The following INPP4B variants were observed in gnomAD, a reference collection of about 807,000 sequenced individuals.
INPP4B encodes inositol polyphosphate-4-phosphatase type II B, also known as inositol polyphosphate 4-phosphatase type II.
In INPP4B, 55 loss-of-function variants were observed where a neutral mutation model predicts 122.5. That is an observed-to-expected ratio of 0.45 (90% confidence interval 0.36 to 0.56). The LOEUF (loss-of-function observed/expected upper bound fraction) is 0.56, where lower values mean the gene tolerates loss of function less well. Among genes scored for constraint, INPP4B ranks in the 20% least tolerant of loss-of-function variants. The probability of loss-of-function intolerance (pLI) is 0.00; values close to 1 mark genes in which losing one functional copy is unlikely to be tolerated. For missense variants in INPP4B, 1,000 were observed against 1,097.7 expected (o/e 0.91, Z 1.26); for synonymous variants, 403 against 388.7 (o/e 1.04, Z -0.43).
chr4:142,551,173 G>A (rs1290892420), intron 2 of INPP4B, among the ~76,000 whole-genome samples: 1 of 152,122 alleles, frequency 6.6e-6, no homozygotes, highest in Non-Finnish European at 1.5e-5. Context: ...TCTTTCTCTG[G>A]CAACAGCATC....
chr4:142,745,191 T>C (rs1361862682), intron 1 of INPP4B, among the ~76,000 whole-genome samples: 2 of 151,498 alleles, frequency 1.3e-5, no homozygotes, highest in South Asian at 2.1e-4. Flanking sequence ...AAGAAGCCAA[T>C]AAAGTAAATA....
intron 1 of INPP4B, among the ~76,000 whole-genome samples, chr4:142,842,094 T>C (rs1005191230): frequency 8.6e-5 from 13 of 151,796 alleles, no homozygotes; most frequent in African/African-American, 3.1e-4. Flanking sequence ...CAAAGAAATG[T>C]ATAACCAAAA....
intron 6 of INPP4B, 93 bp downstream of exon 6, chr4:142,405,113 G>A: frequency 7.3e-6 from 5 of 682,038 alleles, no homozygotes; most frequent in Admixed American, 2.2e-5. Context: ...GAGATGGGGC[G>A]GGGGTGGGGG....
In INPP4B at chr4:142,146,015, T is replaced by C; in HGVS notation, c.1564-19A>G. On this transcript the variant is annotated intron_variant, in intron 17 of 25. Coordinates refer to ENST00000262992, the MANE Select transcript of INPP4B (RefSeq NM_001101669.3). The stretch of plus-strand genomic sequence containing the variant: ...CCCTGTCCTGAAAAAAGCATGAGTA[T>C]CACTACATATTTTTGTCACAAAAAC... The C allele has an allele frequency of 6.3e-7, 1 of 1,599,812 alleles. No homozygotes were observed. Among genetic ancestry groups the C allele is most frequent in the African/African-American group, 1.3e-5 (1 of 74,592 alleles).
intron 1 of INPP4B, among the ~76,000 whole-genome samples, chr4:142,760,029 C>T (rs971038445): frequency 6.6e-6 from 1 of 151,738 alleles, no homozygotes; most frequent in African/African-American, 2.4e-5. Context: ...GAAAGAAAAC[C>T]AGAAATTCTA....
chr4:142,732,139 G>A (rs1300545443), intron 1 of INPP4B, among the ~76,000 whole-genome samples: 2 of 152,100 alleles, frequency 1.3e-5, no homozygotes, highest in African/African-American at 2.4e-5. Flanking sequence ...ATGTAGTACA[G>A]TATCATTATT....
intron 3 of INPP4B, among the ~76,000 whole-genome samples, chr4:142,439,775 G>T (rs1162042659): frequency 6.6e-6 from 1 of 152,152 alleles, no homozygotes; most frequent in East Asian, 1.9e-4. Flanking sequence ...TATCAAATAT[G>T]CAGAAGAAAC....
chr4:142,239,694 AT>A (rs1263613424), intron 11 of INPP4B, among the ~76,000 whole-genome samples: 3 of 152,152 alleles, frequency 2.0e-5, no homozygotes, highest in Admixed American at 6.5e-5. Flanking sequence ...TGGTGTCCAT[AT>A]ACCAAATATG....
intron 2 of INPP4B, among the ~76,000 whole-genome samples, chr4:142,613,464 A>C (rs2150346843): frequency 6.6e-6 from 1 of 152,334 alleles, no homozygotes; most frequent in South Asian, 2.1e-4. Context: ...GGAAATCAAT[A>C]GAATTTCATG....
chr4:142,430,769 C>A (rs1407506492), intron 4 of INPP4B, among the ~76,000 whole-genome samples: 2 of 151,932 alleles, frequency 1.3e-5, no homozygotes, highest in Admixed American at 6.6e-5. Context: ...ACTTAAGTAC[C>A]TTTTGGGTTT....
chr4:142,816,085 C>G (rs527936478), intron 1 of INPP4B, among the ~76,000 whole-genome samples: 4 of 152,248 alleles, frequency 2.6e-5, no homozygotes, highest in Non-Finnish European at 5.9e-5. Flanking sequence ...TGACTCACTC[C>G]AGGACAGAAA....
At position 142,515,672 on chromosome 4, in the gene INPP4B, G is replaced by A. The variant is rs76927386; in HGVS notation, c.-190-52946C>T. ...GAAACAGGGCTCATCAGGTGGGCTT[G>A]AGCCAGAAGGCTCCTTCTTTCATAT... On this transcript the variant is annotated intron_variant, in intron 2 of 25. Coordinates refer to ENST00000262992, the MANE Select transcript of INPP4B (RefSeq NM_001101669.3). Among the ~76,000 whole-genome samples, 1,083 of 152,254 alleles carry A rather than the reference G, an allele frequency of 7.1e-3. 15 individuals carry two copies. Among genetic ancestry groups the A allele is most frequent in the African/African-American group, 0.025 (1,025 of 41,544 alleles).
At chr4:142,187,517 TG>T (rs1172509593) in intron 15 of INPP4B, among the ~76,000 whole-genome samples, 1 of 152,036 alleles carries the variant, frequency 6.6e-6, no homozygotes, top group African/African-American at 2.4e-5. Context: ...TGTGTCTGTG[TG>T]TGTATATCTA....
In INPP4B at chr4:142,713,741, GA is replaced by G. The variant is rs75631008; in HGVS notation, c.-191+12097del. ...CCCTTGAGTGTCCCTGGAGTCCCCTGAAACAGCACTCCTTAGGAAATATGTG... is the reference window on the plus strand; with the variant it reads ...CCCTTGAGTGTCCCTGGAGTCCCCTGAACAGCACTCCTTAGGAAATATGTG... On this transcript the variant is annotated intron_variant, in intron 2 of 25. Coordinates refer to ENST00000262992, the MANE Select transcript of INPP4B (RefSeq NM_001101669.3). Among the ~76,000 whole-genome samples the G allele has an allele frequency of 1.1e-3, 172 of 152,288 alleles. 4 individuals carry two copies. The East Asian group carries it at 0.027, about 24-fold the overall frequency.
At chr4:142,620,910 C>T (rs75073987) in intron 2 of INPP4B, among the ~76,000 whole-genome samples, 2,935 of 151,794 alleles carry the variant, frequency 0.019, 43 homozygotes, top group Middle Eastern at 0.051. Context: ...GCACTGTATT[C>T]TGATTGTGTT....
intron 25 of INPP4B, among the ~76,000 whole-genome samples, chr4:142,038,805 G>A (rs559956130): frequency 6.6e-6 from 1 of 152,280 alleles, no homozygotes; most frequent in African/African-American, 2.4e-5. Context: ...GTGAAGTAGG[G>A]AGAGATCGCC....
At chr4:142,370,699 C>G (rs1026370666) in intron 7 of INPP4B, among the ~76,000 whole-genome samples, 5 of 151,480 alleles carry the variant, frequency 3.3e-5, no homozygotes, top group African/African-American at 1.2e-4. Context: ...ATAGCTACAA[C>G]AAAAAAACAC....
intron 2 of INPP4B, among the ~76,000 whole-genome samples, chr4:142,464,383 C>A (rs528181841): frequency 6.6e-6 from 1 of 151,786 alleles, no homozygotes; most frequent in Non-Finnish European, 1.5e-5. Context: ...AGAAACATTC[C>A]CCTAGTAATG....
chr4:142,699,841 C>G (rs1018412816), intron 2 of INPP4B, among the ~76,000 whole-genome samples: 2 of 152,126 alleles, frequency 1.3e-5, no homozygotes, highest in African/African-American at 4.8e-5. Flanking sequence ...TGTGAGTCAA[C>G]TCTATATGCA....
Sources: allele counts gnomAD v4.1 joint callset (sites outside exome capture counted in the v4.1 genomes callset), GRCh38; gene constraint gnomAD v4.1.1; transcripts MANE v1.5; gene names NCBI Gene and HGNC (gene_info 2026-07-23, HGNC 2026-07-21).